OTUD7A: variants seen among roughly 807,000 people sequenced by gnomAD.
OTUD7A encodes OTU deubiquitinase 7A, also known as OTU domain-containing protein 7A.
Under a neutral mutation model 65.7 loss-of-function variants are expected in OTUD7A, and 12 were observed. That is an observed-to-expected ratio of 0.18 (90% CI 0.12 to 0.30). The LOEUF (loss-of-function observed/expected upper bound fraction) is 0.30. Ranked by LOEUF, OTUD7A falls within the 10% of genes least tolerant of loss-of-function variation. OTUD7A has a pLI of 1.00. For missense variants in OTUD7A, 1,148 were observed against 1,304.8 expected (o/e 0.88, Z 1.85); for synonymous variants, 641 against 586.3 (o/e 1.09, Z -1.35).
intron 1 of OTUD7A, among the ~76,000 whole-genome samples, chr15:31,729,950 T>G (rs1315223256): frequency 6.6e-6 from 1 of 152,214 alleles, no homozygotes; most frequent in Non-Finnish European, 1.5e-5. Context: ...ATACTAATGA[T>G]TCCTGTTATG....
rs537297222 is a variant in OTUD7A at position 31,623,752 on chromosome 15, G to A, written c.151+31344C>T. Among the ~76,000 whole-genome samples the A allele has an allele frequency of 3.3e-5, 5 of 152,240 alleles. No individual in the cohort carries two copies. The Middle Eastern group carries it at 0.01, about 311-fold the overall frequency. ...CCTCACCATGCTTCGGCTCATGCTC[G>A]GTGCGCTGCACCCACTGTCCTGCAC... is the stretch of plus-strand genomic sequence containing the variant. On this transcript the variant is annotated intron_variant, in intron 3 of 12. Transcript: ENST00000307050.
intron 3 of OTUD7A, among the ~76,000 whole-genome samples, chr15:31,608,501 C>G (rs1358065815): frequency 6.6e-6 from 1 of 152,154 alleles, no homozygotes; most frequent in Admixed American, 6.5e-5. Context: ...GCTAAAAGCA[C>G]AAGACCATAC....
intron 8 of OTUD7A, among the ~76,000 whole-genome samples, chr15:31,504,933 C>T (rs533097158): frequency 6.6e-6 from 1 of 152,102 alleles, no homozygotes; most frequent in African/African-American, 2.4e-5. Flanking sequence ...CTTTGTTACC[C>T]AGCCTGGAGT....
chr15:31,822,798 C>A (rs1196541762), intron 1 of OTUD7A, among the ~76,000 whole-genome samples: 1 of 152,212 alleles, frequency 6.6e-6, no homozygotes, highest in Non-Finnish European at 1.5e-5. Flanking sequence ...CTGTAACACA[C>A]ATTTCTGGAA....
At chr15:31,775,398 T>C (rs113057269) in intron 1 of OTUD7A, among the ~76,000 whole-genome samples, 5 of 152,296 alleles carry the variant, frequency 3.3e-5, no homozygotes, top group African/African-American at 1.2e-4. Flanking sequence ...GTGGAGTTTA[T>C]ACTCCAATAA....
chr15:31,647,280 T>C (rs1290027977), intron 3 of OTUD7A, among the ~76,000 whole-genome samples: 2 of 152,230 alleles, frequency 1.3e-5, no homozygotes, highest in African/African-American at 2.4e-5. Flanking sequence ...GATTTGCCCA[T>C]GGCAGTCCTC....
chr15:31,805,960 A>C (rs1414969332), intron 1 of OTUD7A, among the ~76,000 whole-genome samples: 1 of 152,244 alleles, frequency 6.6e-6, no homozygotes, highest in Non-Finnish European at 1.5e-5. Context: ...ATATTATTTA[A>C]AACACATTTT....
intron 3 of OTUD7A, among the ~76,000 whole-genome samples, chr15:31,649,487 G>A (rs1353152552): frequency 6.6e-6 from 1 of 152,074 alleles, no homozygotes; most frequent in Non-Finnish European, 1.5e-5. Flanking sequence ...GCCACCATGA[G>A]GATTTATTTC....
chr15:31,607,990 T>C (rs1890284820), intron 3 of OTUD7A, among the ~76,000 whole-genome samples: 4 of 152,360 alleles, frequency 2.6e-5, no homozygotes, highest in Admixed American at 2.6e-4. Context: ...GGCTCATGCC[T>C]GTAATCCCAG....
intron 1 of OTUD7A, among the ~76,000 whole-genome samples, chr15:31,830,440 T>C (rs1595798806): frequency 6.6e-6 from 1 of 152,350 alleles, no homozygotes; most frequent in East Asian, 1.9e-4. Flanking sequence ...TGGATCTGTG[T>C]CTGACAATGA....
chr15:31,570,080 T>G lies in OTUD7A; in HGVS notation c.269A>C (p.Glu90Ala). The G allele has an allele frequency of 1.2e-6, 2 of 1,614,210 alleles. No individual in the cohort carries two copies. Among genetic ancestry groups the G allele is most frequent in the Non-Finnish European group, 1.7e-6 (2 of 1,180,024 alleles). Reference protein sequence around the residue: ...EGRGPKQPEREPQPGHKVERP... With the variant: ...EGRGPKQPERAPQPGHKVERP... ...CTCCACCTTGTGCCCGGGCTGTGGC[T>G]CTCGCTCTGGCTGCTTGGGACCCCG... Residue 90 changes from glutamate to alanine, a missense_variant, in exon 4 of 13, where the codon GAG (glutamate) becomes GCG (alanine). This residue lies in a region of OTUD7A where 51 missense variants were observed against 46.9 expected (regional missense o/e 1.09). Coordinates refer to ENST00000307050, the MANE Select transcript of OTUD7A (RefSeq NM_001382637.1).
rs942666367 is a variant in OTUD7A at position 31,544,214 on chromosome 15, A to C, written c.551-13406T>G. Among the ~76,000 whole-genome samples the C allele has an allele frequency of 2.6e-5, 4 of 151,878 alleles. No individual in the cohort carries two copies. In the South Asian group the frequency reaches 8.3e-4, roughly 31 times the overall value. ...AATAACAAAAATATTACATTCCAAA[A>C]TTTTGGGGATATAGCTAAAATAGTA... is the stretch of plus-strand genomic sequence containing the variant. On this transcript the variant is annotated intron_variant, in intron 5 of 12. Coordinates refer to ENST00000307050, the MANE Select transcript of OTUD7A (RefSeq NM_001382637.1).
intron 12 of OTUD7A, among the ~76,000 whole-genome samples, chr15:31,486,508 A>G (rs1458582095): frequency 1.3e-5 from 2 of 152,234 alleles, no homozygotes; most frequent in Non-Finnish European, 2.9e-5. Flanking sequence ...GTTTTTTACA[A>G]ATCCTTTTCC....
In OTUD7A at chr15:31,481,835, C is replaced by T. The variant is rs1205959294; in HGVS notation, c.*1459G>A. On this transcript the variant is annotated 3_prime_UTR_variant, in exon 13 of 13. Coordinates refer to ENST00000307050, the MANE Select transcript of OTUD7A (RefSeq NM_001382637.1). ...TGGCTCCAGTGAAGAGATGGTCGAC[C>T]TCCTGCTTTTTCTGAGGATACACTC... The T allele has an allele frequency of 6.6e-6, 1 of 152,278 alleles. No individual in the cohort carries two copies. Among genetic ancestry groups the T allele is most frequent in the Non-Finnish European group, 1.5e-5 (1 of 68,026 alleles). 9.4% of individuals were successfully genotyped at this position (152,278 alleles called of 1,614,324 possible).
intron 1 of OTUD7A, among the ~76,000 whole-genome samples, chr15:31,796,923 A>G (rs751553490): frequency 6.6e-6 from 1 of 152,152 alleles, no homozygotes; most frequent in Non-Finnish European, 1.5e-5. Context: ...TAGTAGAGAC[A>G]TGGTTTCACC....
chr15:31,723,070 C>T (rs1258238627), intron 1 of OTUD7A, among the ~76,000 whole-genome samples: 2 of 152,096 alleles, frequency 1.3e-5, no homozygotes, highest in Non-Finnish European at 1.5e-5. Flanking sequence ...GACCATGGGG[C>T]AGAAGTCAGG....
At chr15:31,561,380 TGCCCCA>T (rs1202052862) in intron 4 of OTUD7A, among the ~76,000 whole-genome samples, 1 of 152,220 alleles carries the variant, frequency 6.6e-6, no homozygotes, top group Non-Finnish European at 1.5e-5. Flanking sequence ...AAGAAGGAAC[TGCCCCA>T]TTTTTCGGAA....
At chr15:31,764,023 T>C (rs76568948) in intron 1 of OTUD7A, among the ~76,000 whole-genome samples, 5 of 152,190 alleles carry the variant, frequency 3.3e-5, no homozygotes, top group East Asian at 1.9e-4. Context: ...CTGAAAGATA[T>C]GTTAATGGAA....
chr15:31,791,756 G>A (rs1370449158), intron 1 of OTUD7A, among the ~76,000 whole-genome samples: 2 of 151,938 alleles, frequency 1.3e-5, no homozygotes, highest in Non-Finnish European at 2.9e-5. Context: ...CTGAAACATG[G>A]CCTTCCTTTG....
Sources: gnomAD v4.1 joint callset for allele counts (sites outside exome capture counted in the v4.1 genomes callset) on GRCh38, gnomAD v4.1.1 for gene constraint, gnomAD v4.1.1 regional missense constraint, MANE v1.5 for transcripts, NCBI Gene and HGNC (gene_info 2026-07-23, HGNC 2026-07-21) for gene names.